Variants in GPC6 observed in about 807,000 individuals in gnomAD.
GPC6 encodes the protein glypican 6.
A neutral mutation model predicts 55.2 loss-of-function variants in GPC6; 14 were observed. That is an observed-to-expected ratio of 0.25 (90% CI 0.17 to 0.40). The LOEUF is 0.40. Ranked by LOEUF, GPC6 falls within the 10% of genes least tolerant of loss-of-function variation. GPC6 has a pLI of 1.00. For synonymous variants in GPC6, 278 were observed against 259.6 expected (o/e 1.07, Z -0.68); for missense variants, 641 against 708.5 (o/e 0.90, Z 1.08).
chr13:93,362,934 A>C, intron 1 of GPC6, among the ~76,000 whole-genome samples: 1 of 152,086 alleles, frequency 6.6e-6, no homozygotes, highest in East Asian at 1.9e-4. Flanking sequence ...CTTCTGCCAA[A>C]CAGTGCTAGT....
At chr13:93,688,928 A>C (rs1882152501) in intron 2 of GPC6, among the ~76,000 whole-genome samples, 1 of 152,028 alleles carries the variant, frequency 6.6e-6, no homozygotes, top group Non-Finnish European at 1.5e-5. Flanking sequence ...ATTTTATGTT[A>C]ATTATATTTT....
Position 94,178,191 on chromosome 13 carries a change from G to A in GPC6, c.878-108158G>A, listed in dbSNP as rs527445144. Among the ~76,000 whole-genome samples, 3 of 152,018 alleles carry A rather than the reference G, an allele frequency of 2.0e-5. No individual in the cohort carries two copies. The South Asian group carries it at 6.2e-4, about 32-fold the overall frequency. The stretch of plus-strand genomic sequence containing the variant: ...ATTTTTGTATTTTTGTAGAAATGGG[G>A]TTTCACTATGTTGGCCAGGTTGCTC... On this transcript the variant is annotated intron_variant, in intron 4 of 8. Transcript: ENST00000377047.
At chr13:93,627,310 A>C (rs931869994) in intron 2 of GPC6, among the ~76,000 whole-genome samples, 2 of 152,122 alleles carry the variant, frequency 1.3e-5, no homozygotes, top group Non-Finnish European at 2.9e-5. Context: ...AGCTTCATCC[A>C]TGTCCCTGCA....
intron 3 of GPC6, among the ~76,000 whole-genome samples, chr13:93,832,456 T>C (rs966947527): frequency 4.6e-5 from 7 of 152,114 alleles, no homozygotes; most frequent in Admixed American, 4.6e-4. Context: ...CTTTGAGAAA[T>C]ATGAATTAAG....
chr13:93,337,390 C>T (rs1233673605), intron 1 of GPC6, among the ~76,000 whole-genome samples: 2 of 152,122 alleles, frequency 1.3e-5, no homozygotes, highest in East Asian at 1.9e-4. Flanking sequence ...CTAGTTAACA[C>T]ATACATTGTA....
In GPC6 at chr13:93,348,844, CT is replaced by C. The variant is rs1343520680; in HGVS notation, c.160+121232del. The stretch of plus-strand genomic sequence containing the variant: ...GAATCACATTTCTTCTTAGTTTGGT[CT>C]TTTATTTCCTCCCTTAGGCTTAGTA... On this transcript the variant is annotated intron_variant, in intron 1 of 8. Transcript: ENST00000377047. Among the ~76,000 whole-genome samples, 41 of 152,230 alleles carry C rather than the reference CT, an allele frequency of 2.7e-4. No individual in the cohort carries two copies. In the East Asian group the frequency reaches 6.8e-3, roughly 25 times the overall value.
intron 1 of GPC6, among the ~76,000 whole-genome samples, chr13:93,510,881 C>A (rs2166241): frequency 0.83 from 113,087 of 137,040 alleles, 47,785 homozygotes; most frequent in Non-Finnish European, 0.92. Context: ...TTTCCATTTC[C>A]CTGATCATAA....
chr13:93,899,598 A>G (rs1876231779), intron 3 of GPC6, among the ~76,000 whole-genome samples: 1 of 152,166 alleles, frequency 6.6e-6, no homozygotes, highest in Admixed American at 6.6e-5. Flanking sequence ...ATGCATATAC[A>G]TACACAGGAA....
intron 2 of GPC6, among the ~76,000 whole-genome samples, chr13:93,575,878 C>T (rs1876639992): frequency 6.6e-6 from 1 of 152,096 alleles, no homozygotes; most frequent in African/African-American, 2.4e-5. Flanking sequence ...AGTCTCCAAT[C>T]TACAAAGCTG....
intron 1 of GPC6, among the ~76,000 whole-genome samples, chr13:93,245,661 A>G (rs1197910294): frequency 1.3e-5 from 2 of 152,118 alleles, no homozygotes; most frequent in Non-Finnish European, 2.9e-5. Context: ...GTGGTTTTAA[A>G]TATGGATTTC....
At chr13:93,631,373 C>T (rs1879422875) in intron 2 of GPC6, among the ~76,000 whole-genome samples, 1 of 152,178 alleles carries the variant, frequency 6.6e-6, no homozygotes, top group Non-Finnish European at 1.5e-5. Flanking sequence ...TTACACTTGG[C>T]TGTCTCAGCA....
At chr13:93,249,421 C>T (rs1258701904) in intron 1 of GPC6, among the ~76,000 whole-genome samples, 1 of 152,184 alleles carries the variant, frequency 6.6e-6, no homozygotes, top group Admixed American at 6.5e-5. Context: ...TGTTTAGTTT[C>T]GTCCTCTGTT....
intron 2 of GPC6, among the ~76,000 whole-genome samples, chr13:93,719,116 C>A (rs140092474): frequency 1.3e-5 from 2 of 151,582 alleles, no homozygotes; most frequent in Non-Finnish European, 3.0e-5. Flanking sequence ...TCTAATTCTG[C>A]GAAGAAAGTC....
At chr13:93,937,200 C>T (rs1878480792) in intron 3 of GPC6, among the ~76,000 whole-genome samples, 1 of 152,166 alleles carries the variant, frequency 6.6e-6, no homozygotes, top group South Asian at 2.1e-4. Flanking sequence ...TTTGCTAAAA[C>T]CTAGATGTCA....
At chr13:94,043,511 A>G (rs2138742724) in intron 4 of GPC6, among the ~76,000 whole-genome samples, 1 of 151,986 alleles carries the variant, frequency 6.6e-6, no homozygotes, top group South Asian at 2.1e-4. Flanking sequence ...CAGGAAATTA[A>G]CATTGCTATA....
At chr13:93,529,068 T>C (rs944936301) in intron 1 of GPC6, among the ~76,000 whole-genome samples, 2 of 152,098 alleles carry the variant, frequency 1.3e-5, no homozygotes, top group Non-Finnish European at 2.9e-5. Context: ...ATTTCAAATA[T>C]TTTGCCCACA....
chr13:93,256,495 T>C (rs1380088073), intron 1 of GPC6, among the ~76,000 whole-genome samples: 1 of 152,166 alleles, frequency 6.6e-6, no homozygotes, highest in East Asian at 1.9e-4. Context: ...AGTCTTCCCT[T>C]AGTCTGTAAA....
chr13:94,342,264 C>T (rs1231263492), intron 6 of GPC6, among the ~76,000 whole-genome samples: 1 of 152,222 alleles, frequency 6.6e-6, no homozygotes, highest in Non-Finnish European at 1.5e-5. Context: ...CTAACTTCCA[C>T]TACCTGCGAA....
chr13:93,227,208 G>C lies in GPC6; in HGVS notation c.-249G>C, dbSNP rs896120421. 7 of 438,764 alleles carry C rather than the reference G, an allele frequency of 1.6e-5. No homozygotes were observed. Among genetic ancestry groups the C allele is most frequent in the Non-Finnish European group, 2.9e-5 (7 of 245,542 alleles). The allele number at this position is 438,764 out of a possible 1,614,324, so 27.2% of individuals were successfully genotyped here. On this transcript the variant is annotated 5_prime_UTR_variant, in exon 1 of 9. Transcript: ENST00000377047. This position sits in a 1 kb window ranked among gnomAD's most constrained non-coding sequence, Gnocchi z 4.3. ...TTTGATTGCACCGTTTCCATCTGGG[G>C]GCTAGAGGAGCAAGGCAGCAGCCTT...
Sources: gnomAD v4.1 joint callset for allele counts (sites outside exome capture counted in the v4.1 genomes callset) on GRCh38, gnomAD v4.1.1 for gene constraint, Gnocchi (gnomAD v3.1) non-coding constraint, MANE v1.5 for transcripts, NCBI Gene and HGNC (gene_info 2026-07-23, HGNC 2026-07-21) for gene names.